The following REDIC1 variants were observed in gnomAD, a reference collection of about 807,000 sequenced individuals.
The protein encoded by REDIC1 is regulator of DNA class I crossover intermediates 1.
the REDIC1 span, chr12:39,759,431 A>G: frequency 6.6e-6 from 1 of 152,576 alleles, no homozygotes; most frequent in Non-Finnish European, 1.5e-5. Flanking sequence ...CAATATCTGA[A>G]TTGGAGAGAA....
chr12:39,829,424 T>TTTTTTTA, the REDIC1 span: 1 of 127,956 alleles, frequency 7.8e-6, no homozygotes, highest in Non-Finnish European at 1.6e-5. Flanking sequence ...TTCTTTTTTT[T>TTTTTTTA]GAGGCAGAGT....
the REDIC1 span, among the ~76,000 whole-genome samples, chr12:39,676,193 TA>T: frequency 1.6e-3 from 211 of 128,048 alleles, 1 homozygote; most frequent in Admixed American, 4.6e-3. Context: ...CTTAAGGAAA[TA>T]AAAAAAAAAA....
chr12:39,647,882 T>C, the REDIC1 span: 1 of 1,608,222 alleles, frequency 6.2e-7, no homozygotes. Context: ...TTCAGTGGAG[T>C]TACCTTCTAA....
the REDIC1 span, among the ~76,000 whole-genome samples, chr12:39,661,484 C>A: frequency 6.6e-6 from 1 of 151,840 alleles, no homozygotes; most frequent in Non-Finnish European, 1.5e-5. Context: ...ATCCTTTGCC[C>A]ACTTTTTAAC....
chr12:39,635,794 A>G, the REDIC1 span, among the ~76,000 whole-genome samples: 1 of 152,138 alleles, frequency 6.6e-6, no homozygotes. Flanking sequence ...AAGTATTAAA[A>G]AAAGAAGTTT....
the REDIC1 span, among the ~76,000 whole-genome samples, chr12:39,848,260 A>T: frequency 6.6e-6 from 1 of 152,326 alleles, no homozygotes; most frequent in African/African-American, 2.4e-5. Flanking sequence ...AATGTGAAAA[A>T]ACATTTACAA....
At chr12:39,679,327 A>G in the REDIC1 span, among the ~76,000 whole-genome samples, 92,487 of 152,046 alleles carry the variant, frequency 0.61, 29,632 homozygotes, top group Non-Finnish European at 0.71. Context: ...TACAAAATCA[A>G]TGTACACAAT....
chr12:39,829,389 A>ATTTTTTTTTTTT, the REDIC1 span: 1 of 65,780 alleles, frequency 1.5e-5, no homozygotes, highest in Non-Finnish European at 2.8e-5. Context: ...TGTGATAGTA[A>ATTTTTTTTTTTT]TTCTTTTTTT....
chr12:39,720,512 A>G, the REDIC1 span, among the ~76,000 whole-genome samples: 1 of 152,010 alleles, frequency 6.6e-6, no homozygotes, highest in Admixed American at 6.6e-5. Flanking sequence ...AAAAGACAAA[A>G]TTTCTCGTCT....
At chr12:39,765,018 C>T in the REDIC1 span, among the ~76,000 whole-genome samples, 5 of 151,948 alleles carry the variant, frequency 3.3e-5, no homozygotes, top group African/African-American at 9.7e-5. Context: ...ATTAGATATG[C>T]GAGCTTGTAT....
chr12:39,855,546 G>T, the REDIC1 span, among the ~76,000 whole-genome samples: 1 of 152,134 alleles, frequency 6.6e-6, no homozygotes, highest in Admixed American at 6.6e-5. Flanking sequence ...CTCCCTCATA[G>T]CTGTGAGCTC....
At chr12:39,812,367 CT>C in the REDIC1 span, among the ~76,000 whole-genome samples, 265 of 142,632 alleles carry the variant, frequency 1.9e-3, 2 homozygotes, top group Middle Eastern at 3.5e-3. Context: ...CTTTTCTTTT[CT>C]TTTCTTTTCT....
At chr12:39,695,091 A>C in the REDIC1 span, among the ~76,000 whole-genome samples, 1 of 152,100 alleles carries the variant, frequency 6.6e-6, no homozygotes, top group Non-Finnish European at 1.5e-5. Context: ...CTGAATAACC[A>C]TCAGTGATGC....
chr12:39,663,319 ATGT>A, the REDIC1 span, among the ~76,000 whole-genome samples: 2 of 151,988 alleles, frequency 1.3e-5, no homozygotes, highest in Non-Finnish European at 2.9e-5. Context: ...ATATTTAGAA[ATGT>A]TGTATCCTCC....
chr12:39,869,934 C>T, the REDIC1 span, among the ~76,000 whole-genome samples: 1 of 152,200 alleles, frequency 6.6e-6, no homozygotes, highest in African/African-American at 2.4e-5. Context: ...ATCCTCATTA[C>T]ATCTCTGTGA....
the REDIC1 span, among the ~76,000 whole-genome samples, chr12:39,857,516 C>T: frequency 9.8e-5 from 15 of 152,296 alleles, no homozygotes; most frequent in African/African-American, 2.2e-4. Flanking sequence ...ATCAAGGTTG[C>T]GTTATTTCTT....
the REDIC1 span, among the ~76,000 whole-genome samples, chr12:39,643,293 G>A: frequency 6.6e-6 from 1 of 151,438 alleles, no homozygotes; most frequent in Non-Finnish European, 1.5e-5. Context: ...ATCATGGAGG[G>A]ATAACAAATA....
chr12:39,811,244 A>C, the REDIC1 span, among the ~76,000 whole-genome samples: 1 of 151,878 alleles, frequency 6.6e-6, no homozygotes, highest in South Asian at 2.1e-4. Flanking sequence ...CTTTTTATTG[A>C]TCTCTTCAAG....
At chr12:39,680,497 G>A in the REDIC1 span, among the ~76,000 whole-genome samples, 1 of 152,198 alleles carries the variant, frequency 6.6e-6, no homozygotes, top group East Asian at 1.9e-4. Flanking sequence ...GCATGGATGT[G>A]GTGAAAAGGG....
Sources: gnomAD v4.1 joint callset for allele counts (sites outside exome capture counted in the v4.1 genomes callset) on GRCh38, gnomAD v4.1.1 for gene constraint, MANE v1.5 for transcripts, NCBI Gene and HGNC (gene_info 2026-07-23, HGNC 2026-07-21) for gene names.